The following SEPTIN9 variants were observed in gnomAD, a reference collection of about 807,000 sequenced individuals.
SEPTIN9 encodes septin-9.
In SEPTIN9, 13 loss-of-function variants were observed where a neutral mutation model predicts 56.6. The observed-to-expected ratio is 0.23, with a 90% CI of 0.15 to 0.37. SEPTIN9 has a LOEUF of 0.37. SEPTIN9 is among the 10% of genes least tolerant of loss of function. The probability of loss-of-function intolerance (pLI) is 1.00; values close to 1 mark genes in which losing one functional copy is unlikely to be tolerated. For missense variants in SEPTIN9, 650 were observed against 823.1 expected (o/e 0.79, Z 2.57); for synonymous variants, 332 against 334.1 (o/e 0.99, Z 0.07).
At chr17:77,409,445 T>C (rs2036209969) in intron 3 of SEPTIN9, among the ~76,000 whole-genome samples, 1 of 152,168 alleles carries the variant, frequency 6.6e-6, no homozygotes, top group Non-Finnish European at 1.5e-5. Flanking sequence ...AAAGGAGGGC[T>C]GGTCCGGGAA....
intron 2 of SEPTIN9, among the ~76,000 whole-genome samples, chr17:77,349,061 G>A (rs192903756): frequency 6.7e-4 from 102 of 151,966 alleles, no homozygotes; most frequent in African/African-American, 2.4e-3. Context: ...TCACTTATCT[G>A]CAAATCTTTA....
chr17:77,357,481 G>A (rs915554612), intron 2 of SEPTIN9, among the ~76,000 whole-genome samples: 1 of 152,082 alleles, frequency 6.6e-6, no homozygotes, highest in African/African-American at 2.4e-5. Context: ...TCACCTCACC[G>A]TCCATCTATC....
In SEPTIN9 at chr17:77,429,111, G is replaced by A. The variant is rs553154070; in HGVS notation, c.721+26408G>A. On this transcript the variant is annotated intron_variant, in intron 3 of 11. Coordinates refer to ENST00000427177, the MANE Select transcript of SEPTIN9 (RefSeq NM_001113491.2). The surrounding 1 kb of genome is among the most constrained non-coding windows in gnomAD (Gnocchi z 5.2). ...GTGCCCCAGCTCCGTGTCCTCCGGTGTGTGTGAGGCCAAGCTCCTGGGGTG... is the reference window on the plus strand; with the variant it reads ...GTGCCCCAGCTCCGTGTCCTCCGGTATGTGTGAGGCCAAGCTCCTGGGGTG... 9 of 471,530 alleles carry A rather than the reference G, an allele frequency of 1.9e-5. 1 individual carries two copies. Among genetic ancestry groups the A allele is most frequent in the Non-Finnish European group, 4.0e-5 (9 of 227,186 alleles). The allele number at this position is 471,530 out of a possible 1,614,324, so 29.2% of individuals were successfully genotyped here.
At chr17:77,324,106 C>T (rs571960842) in intron 2 of SEPTIN9, among the ~76,000 whole-genome samples, 142 of 152,338 alleles carry the variant, frequency 9.3e-4, no homozygotes, top group African/African-American at 3.3e-3. Context: ...ACCACTCGAC[C>T]TCTGCCTCCG....
chr17:77,338,830 C>G (rs1359921459), intron 2 of SEPTIN9, among the ~76,000 whole-genome samples: 3 of 152,226 alleles, frequency 2.0e-5, no homozygotes, highest in Non-Finnish European at 4.4e-5. Flanking sequence ...GAGCTTCCTT[C>G]AAAATTAGAG....
In SEPTIN9 at chr17:77,492,507, GC is replaced by G; in HGVS notation, c.1381-111del. ...TTGGTGTCACAGCCCCCCAGAGCCTGCCCTTGAACCCGAGCCTGGGGCAGCA... is the reference window on the plus strand; with the variant it reads ...TTGGTGTCACAGCCCCCCAGAGCCTGCCTTGAACCCGAGCCTGGGGCAGCA... On this transcript the variant is annotated intron_variant, in intron 8 of 11. Coordinates refer to ENST00000427177, the MANE Select transcript of SEPTIN9 (RefSeq NM_001113491.2). This position sits in a 1 kb window ranked among gnomAD's most constrained non-coding sequence, Gnocchi z 5.4. 3 of 920,764 alleles carry G rather than the reference GC, an allele frequency of 3.3e-6. No homozygotes were observed. Among genetic ancestry groups the G allele is most frequent in the Non-Finnish European group, 5.4e-6 (3 of 551,290 alleles). 57.0% of individuals were successfully genotyped at this position (920,764 alleles called of 1,614,324 possible).
rs1225872669 is a variant in SEPTIN9 at position 77,499,124 on chromosome 17, C to A, written c.*466C>A. 1.9e-6 allele frequency: 1 copy of A among 536,194 alleles called. No individual in the cohort carries two copies. The highest frequency in any genetic ancestry group is 3.6e-6 in the Non-Finnish European group (1 of 276,250). 33.2% of individuals were successfully genotyped at this position (536,194 alleles called of 1,614,324 possible). On this transcript the variant is annotated 3_prime_UTR_variant, in exon 12 of 12. Coordinates refer to ENST00000427177, the MANE Select transcript of SEPTIN9 (RefSeq NM_001113491.2). ...TGTCAGAGCCCAGGGGAGAATGCAG[C>A]CCACCAGGAGCACCTGGACCCCCTG...
At chr17:77,349,475 T>C (rs1297710835) in intron 2 of SEPTIN9, among the ~76,000 whole-genome samples, 1 of 152,252 alleles carries the variant, frequency 6.6e-6, no homozygotes, top group African/African-American at 2.4e-5. Context: ...GTCAGTTTTT[T>C]CTTTCAGGAC....
rs1336707650 is a variant in SEPTIN9, at chr17:77,319,014, G to C, written c.76+11817G>C. 6.6e-6 allele frequency among the ~76,000 whole-genome samples: 1 copy of C among 152,226 alleles called. No individual in the cohort carries two copies. Among genetic ancestry groups the C allele is most frequent in the Non-Finnish European group, 1.5e-5 (1 of 68,038 alleles). On this transcript the variant is annotated intron_variant, in intron 2 of 11. Coordinates refer to ENST00000427177, the MANE Select transcript of SEPTIN9 (RefSeq NM_001113491.2). This position sits in a 1 kb window ranked among gnomAD's most constrained non-coding sequence, Gnocchi z 5.3. ...CAGCCCTGTGCGGCCAGGCAGGAAG[G>C]CTTCCGTGGTGCGGCCACGCGTCCT...
At chr17:77,315,747 G>A (rs2032679442) in intron 2 of SEPTIN9, among the ~76,000 whole-genome samples, 1 of 152,352 alleles carries the variant, frequency 6.6e-6, no homozygotes, top group Middle Eastern at 3.4e-3. Context: ...GCCCTGCCAG[G>A]CCCAGCCTGT....
At chr17:77,444,349 TC>T (rs1301710346) in intron 3 of SEPTIN9, among the ~76,000 whole-genome samples, 1 of 151,838 alleles carries the variant, frequency 6.6e-6, no homozygotes, top group African/African-American at 2.4e-5. Context: ...TAAGGGATGA[TC>T]CCAGTGGTCC....
chr17:77,353,573 T>C (rs2034128105), intron 2 of SEPTIN9, among the ~76,000 whole-genome samples: 1 of 152,058 alleles, frequency 6.6e-6, no homozygotes, highest in Non-Finnish European at 1.5e-5. Context: ...CATCTTTGCT[T>C]GTCTTATTTT....
At chr17:77,467,759 G>C (rs1012317811) in intron 3 of SEPTIN9, among the ~76,000 whole-genome samples, 9 of 152,240 alleles carry the variant, frequency 5.9e-5, no homozygotes, top group Admixed American at 1.3e-4. Context: ...CACAGAGGGA[G>C]CGGTGTTACC....
rs1283073254 is a variant in SEPTIN9, at chr17:77,445,600, T to C, written c.722-36544T>C. On this transcript the variant is annotated intron_variant, in intron 3 of 11. Coordinates refer to ENST00000427177, the MANE Select transcript of SEPTIN9 (RefSeq NM_001113491.2). The surrounding 1 kb of genome is among the most constrained non-coding windows in gnomAD (Gnocchi z 4.7). ...AACCACATCCCCTCCTCTCTGCTGCTGTGTTGCTGTGTGTTTCAGCAGCAC... is the reference window on the plus strand; with the variant it reads ...AACCACATCCCCTCCTCTCTGCTGCCGTGTTGCTGTGTGTTTCAGCAGCAC... The C allele has an allele frequency of 5.4e-6, 2 of 369,986 alleles. No individual in the cohort carries two copies. The highest frequency in any genetic ancestry group is 2.1e-5 in the South Asian group (1 of 48,522). The allele number at this position is 369,986 out of a possible 1,614,324, so 22.9% of individuals were successfully genotyped here.
chr17:77,377,821 G>A (rs558422313), intron 2 of SEPTIN9, among the ~76,000 whole-genome samples: 2 of 152,322 alleles, frequency 1.3e-5, no homozygotes, highest in Admixed American at 6.5e-5. Context: ...GGCCTCTTGC[G>A]TGATGAACCC....
At chr17:77,392,002 C>T (rs1053222958) in intron 2 of SEPTIN9, among the ~76,000 whole-genome samples, 2 of 152,212 alleles carry the variant, frequency 1.3e-5, no homozygotes, top group African/African-American at 4.8e-5. Context: ...GGAAGGAATG[C>T]TGTGGGCTGC....
rs1015374846 is a variant in SEPTIN9, at chr17:77,313,482, A to C, written c.76+6285A>C. Among the ~76,000 whole-genome samples, 1 of 152,238 alleles carries C rather than the reference A, an allele frequency of 6.6e-6. No individual in the cohort carries two copies. Among genetic ancestry groups the C allele is most frequent in the Non-Finnish European group, 1.5e-5 (1 of 68,034 alleles). On this transcript the variant is annotated intron_variant, in intron 2 of 11. Coordinates refer to ENST00000427177, the MANE Select transcript of SEPTIN9 (RefSeq NM_001113491.2). The surrounding 1 kb of genome is among the most constrained non-coding windows in gnomAD (Gnocchi z 4.5). ...AGGAACAGCCAAAGTCTGAGGCACA[A>C]TAAAAAGTGGAGAAAGATTCCAGAG...
intron 2 of SEPTIN9, among the ~76,000 whole-genome samples, chr17:77,341,443 C>T (rs1190477123): frequency 1.3e-5 from 2 of 152,200 alleles, no homozygotes; most frequent in Non-Finnish European, 2.9e-5. Context: ...CTGGATGTGG[C>T]TCGTCATGCC....
Position 77,421,393 on chromosome 17 carries a change from T to C in SEPTIN9, c.721+18690T>C, listed in dbSNP as rs2036697326. On this transcript the variant is annotated intron_variant, in intron 3 of 11. Coordinates refer to ENST00000427177, the MANE Select transcript of SEPTIN9 (RefSeq NM_001113491.2). The surrounding 1 kb of genome is among the most constrained non-coding windows in gnomAD (Gnocchi z 4.6). Reference sequence around the variant, plus strand: ...CTCTGTCTCCTCCCCCTGCCGCCTCTCCCCACAAGACTGGGCTGGATGCTG... The same window carrying C: ...CTCTGTCTCCTCCCCCTGCCGCCTCCCCCCACAAGACTGGGCTGGATGCTG... 1.3e-5 allele frequency among the ~76,000 whole-genome samples: 2 copies of C among 152,078 alleles called. No individual in the cohort carries two copies. Among genetic ancestry groups the C allele is most frequent in the South Asian group, 4.1e-4 (2 of 4,822 alleles).
Sources: gnomAD v4.1 joint callset for allele counts (sites outside exome capture counted in the v4.1 genomes callset) on GRCh38, gnomAD v4.1.1 for gene constraint, Gnocchi (gnomAD v3.1) non-coding constraint, MANE v1.5 for transcripts, NCBI Gene and HGNC (gene_info 2026-07-23, HGNC 2026-07-21) for gene names.